Variants in CALN1 observed in about 807,000 individuals in gnomAD.
The protein encoded by CALN1 is calcium-binding protein 8.
CALN1 carries 17 observed loss-of-function variants against 30.6 expected under a neutral mutation model. The observed-to-expected ratio is 0.56, with a 90% CI of 0.38 to 0.83. The LOEUF (loss-of-function observed/expected upper bound fraction) is 0.83. Ranked by LOEUF, CALN1 falls within the 40% of genes least tolerant of loss-of-function variation. CALN1 has a pLI of 0.00. For synonymous variants in CALN1, 156 were observed against 131.4 expected (o/e 1.19, Z -1.28); for missense variants, 291 against 354.9 (o/e 0.82, Z 1.45).
chr7:72,260,916 C>A lies in CALN1; in HGVS notation c.244+17770G>T, dbSNP rs554536479. Among the ~76,000 whole-genome samples the A allele has an allele frequency of 1.6e-4, 25 of 152,290 alleles. No individual in the cohort carries two copies. The South Asian group carries it at 1.9e-3, about 11-fold the overall frequency. On this transcript the variant is annotated intron_variant, in intron 3 of 6. Transcript: ENST00000395275. ...TAGGTTCAGAGATGTTAAATTCCCA[C>A]CCAGATGGTTGAGGTCTGCAACATA...
chr7:72,410,919 A>T (rs991088585), intron 1 of CALN1, among the ~76,000 whole-genome samples: 6 of 152,120 alleles, frequency 3.9e-5, no homozygotes, highest in African/African-American at 1.4e-4. Context: ...AACCAACATG[A>T]TTAGACAATT....
intron 3 of CALN1, among the ~76,000 whole-genome samples, chr7:72,161,147 C>T (rs993064544): frequency 1.3e-5 from 2 of 152,124 alleles, no homozygotes; most frequent in African/African-American, 2.4e-5. Flanking sequence ...TGAGGAGAAA[C>T]GTAAACTAAC....
chr7:71,999,136 T>C (rs1799402068), intron 5 of CALN1, among the ~76,000 whole-genome samples: 1 of 152,186 alleles, frequency 6.6e-6, no homozygotes, highest in Non-Finnish European at 1.5e-5. Context: ...TGGAAAATTA[T>C]ATAACCTGAA....
At chr7:72,350,741 T>C (rs1364147371) in intron 2 of CALN1, among the ~76,000 whole-genome samples, 1 of 152,102 alleles carries the variant, frequency 6.6e-6, no homozygotes, top group African/African-American at 2.4e-5. Context: ...TCAATTTACC[T>C]ATATAACAAA....
At chr7:72,371,533 G>A in intron 2 of CALN1, among the ~76,000 whole-genome samples, 1 of 152,134 alleles carries the variant, frequency 6.6e-6, no homozygotes, top group Non-Finnish European at 1.5e-5. Flanking sequence ...GGACGTGTTT[G>A]CTTCCCCTTC....
intron 4 of CALN1, among the ~76,000 whole-genome samples, chr7:72,045,728 G>A (rs543149284): frequency 1.8e-4 from 28 of 152,112 alleles, no homozygotes; most frequent in African/African-American, 5.8e-4. Context: ...GACCAGGTGT[G>A]GTGGCTCACA....
intron 5 of CALN1, among the ~76,000 whole-genome samples, chr7:72,016,349 T>C (rs1800378995): frequency 6.6e-6 from 1 of 152,114 alleles, no homozygotes; most frequent in Non-Finnish European, 1.5e-5. Flanking sequence ...TATAGCTTTT[T>C]GTATGTAATA....
intron 5 of CALN1, 152 bp from the exon 6 acceptor site, chr7:71,810,644 C>T (rs576091164): frequency 1.7e-5 from 11 of 641,800 alleles, no homozygotes; most frequent in Admixed American, 3.1e-5. Context: ...TGTTCAGCTC[C>T]AAGTATACTC....
intron 5 of CALN1, among the ~76,000 whole-genome samples, chr7:72,015,758 A>G (rs1310275614): frequency 6.6e-6 from 1 of 152,112 alleles, no homozygotes; most frequent in Admixed American, 6.6e-5. Context: ...TCCCATTTCT[A>G]ACAAGTTCCA....
chr7:72,328,886 G>A (rs547779909), intron 2 of CALN1, among the ~76,000 whole-genome samples: 26 of 152,288 alleles, frequency 1.7e-4, no homozygotes, highest in African/African-American at 4.3e-4. Flanking sequence ...TAGTAGAGAC[G>A]GGGTTTCGCC....
At position 71,982,948 on chromosome 7, in the gene CALN1, G is replaced by A. The variant is rs567218478; in HGVS notation, c.501+40709C>T. 2.6e-5 allele frequency among the ~76,000 whole-genome samples: 4 copies of A among 152,284 alleles called. No individual in the cohort carries two copies. In the East Asian group the frequency reaches 7.7e-4, roughly 29 times the overall value. On this transcript the variant is annotated intron_variant, in intron 5 of 6. Coordinates refer to ENST00000395275, the MANE Select transcript of CALN1 (RefSeq NM_031468.4). ...TCCCTTCTCTTTGCCAACCACGTGTGCAGTAAGGAGCAGACAACCTGGTGC... is the reference window on the plus strand; with the variant it reads ...TCCCTTCTCTTTGCCAACCACGTGTACAGTAAGGAGCAGACAACCTGGTGC...
chr7:72,042,766 G>A (rs1202163507), intron 4 of CALN1, among the ~76,000 whole-genome samples: 4 of 151,958 alleles, frequency 2.6e-5, no homozygotes, highest in Non-Finnish European at 5.9e-5. Flanking sequence ...CTCCCAAAAG[G>A]AAAAAGGGTG....
Position 71,849,400 on chromosome 7 carries a change from A to G in CALN1, c.502-38908T>C, listed in dbSNP as rs1251134832. Among the ~76,000 whole-genome samples the G allele has an allele frequency of 2.0e-5, 3 of 149,956 alleles. No individual in the cohort carries two copies. In the East Asian group the frequency reaches 5.9e-4, roughly 30 times the overall value. ...AGGTATATGTGTGTCTTGATATTTGATAACTCTTTGTTCTTTTTCAATCTT... is the reference window on the plus strand; with the variant it reads ...AGGTATATGTGTGTCTTGATATTTGGTAACTCTTTGTTCTTTTTCAATCTT... On this transcript the variant is annotated intron_variant, in intron 5 of 6. Transcript: ENST00000395275.
intron 3 of CALN1, among the ~76,000 whole-genome samples, chr7:72,143,520 G>A (rs532670446): frequency 1.3e-5 from 2 of 152,180 alleles, no homozygotes; most frequent in African/African-American, 2.4e-5. Context: ...GAAAGTGACG[G>A]GGAGAATGGA....
intron 3 of CALN1, among the ~76,000 whole-genome samples, chr7:72,255,533 G>A (rs1795853758): frequency 6.6e-6 from 1 of 151,608 alleles, no homozygotes; most frequent in Admixed American, 6.6e-5. Flanking sequence ...TCATGCTTCA[G>A]CTTCCCGAGT....
intron 3 of CALN1, among the ~76,000 whole-genome samples, chr7:72,236,079 C>CAA (rs11299009): frequency 6.7e-5 from 8 of 118,566 alleles, no homozygotes; most frequent in African/African-American, 9.4e-5. Context: ...CCATTCTCCA[C>CAA]AAAAAAAAAA....
the CALN1 span, among the ~76,000 whole-genome samples, chr7:72,486,793 C>T: frequency 6.6e-6 from 1 of 152,120 alleles, no homozygotes; most frequent in African/African-American, 2.4e-5. Flanking sequence ...TCTCCAATTT[C>T]TTCCTTCATT....
intron 3 of CALN1, among the ~76,000 whole-genome samples, chr7:72,201,779 G>C (rs1422218007): frequency 7.0e-6 from 1 of 141,872 alleles, no homozygotes; most frequent in Non-Finnish European, 1.5e-5. Flanking sequence ...GTAAGCAAAA[G>C]CCAGCTAGAA....
At chr7:72,258,664 A>C (rs1796081282) in intron 3 of CALN1, among the ~76,000 whole-genome samples, 2 of 152,302 alleles carry the variant, frequency 1.3e-5, no homozygotes, top group South Asian at 2.1e-4. Flanking sequence ...TCACGCCTGT[A>C]ATCTCAGCAC....
Sources: allele counts gnomAD v4.1 joint callset (sites outside exome capture counted in the v4.1 genomes callset), GRCh38; gene constraint gnomAD v4.1.1; transcripts MANE v1.5; gene names NCBI Gene and HGNC (gene_info 2026-07-23, HGNC 2026-07-21).